The following CASD1 variants were observed in gnomAD, a reference collection of about 807,000 sequenced individuals.
CASD1 encodes the protein N-acetylneuraminate (7)9-O-acetyltransferase.
A neutral mutation model predicts 100.0 loss-of-function variants in CASD1; 41 were observed. The ratio of observed to expected loss-of-function variants is 0.41; its 90% confidence interval spans 0.32 to 0.53. The LOEUF (loss-of-function observed/expected upper bound fraction) is 0.53, where lower values mean the gene tolerates loss of function less well. Ranked by LOEUF, CASD1 falls within the 20% of genes least tolerant of loss-of-function variation. CASD1 has a pLI of 0.25. For missense variants in CASD1, 774 were observed against 948.7 expected (o/e 0.82, Z 2.42); for synonymous variants, 321 against 315.6 (o/e 1.02, Z -0.18).
the CASD1 span, among the ~76,000 whole-genome samples, chr7:94,570,385 A>T: frequency 2.6e-5 from 4 of 152,320 alleles, no homozygotes; most frequent in African/African-American, 7.2e-5. Context: ...CTGCAATAGC[A>T]TACAAAATCT....
chr7:94,510,873 T>G (rs1481000697), intron 1 of CASD1, among the ~76,000 whole-genome samples: 2 of 152,194 alleles, frequency 1.3e-5, no homozygotes, highest in Admixed American at 6.5e-5. Flanking sequence ...AGTGCACACT[T>G]TTTACAAAGT....
intron 12 of CASD1, among the ~76,000 whole-genome samples, chr7:94,546,732 A>G (rs531327046): frequency 6.6e-6 from 1 of 152,082 alleles, no homozygotes; most frequent in South Asian, 2.1e-4. Context: ...CACCAAAGTC[A>G]TATTCAACAG....
chr7:94,540,116 C>T (rs938828256), intron 10 of CASD1, among the ~76,000 whole-genome samples: 5 of 152,202 alleles, frequency 3.3e-5, no homozygotes, highest in Non-Finnish European at 7.3e-5. Context: ...TGAGTTGTAA[C>T]AACCCAGCTA....
At chr7:94,520,753 G>A (rs546704559) in intron 3 of CASD1, among the ~76,000 whole-genome samples, 5 of 152,144 alleles carry the variant, frequency 3.3e-5, no homozygotes, top group Admixed American at 6.5e-5. Context: ...GTCAAGAGAC[G>A]GAGACCATCC....
At chr7:94,554,254 T>C in intron 16 of CASD1, 1 of 353,962 alleles carries the variant, frequency 2.8e-6, no homozygotes, top group Non-Finnish European at 5.1e-6. Context: ...CATGTACTAC[T>C]TAAAATGTTC....
At chr7:94,618,673 G>T in the CASD1 span, 1 of 1,111,184 alleles carries the variant, frequency 9.0e-7, no homozygotes, top group Non-Finnish European at 1.3e-6. Context: ...AAATGCAATA[G>T]GCCATCTTCC....
the CASD1 span, chr7:94,618,630 A>G: frequency 4.0e-6 from 3 of 748,754 alleles, no homozygotes; most frequent in East Asian, 8.0e-5. Context: ...GTATGTTCAT[A>G]TCTTTACAAT....
intron 1 of CASD1, among the ~76,000 whole-genome samples, chr7:94,513,582 C>T (rs1793828202): frequency 6.6e-6 from 1 of 152,296 alleles, no homozygotes; most frequent in African/African-American, 2.4e-5. Context: ...TCAAATGTCA[C>T]ACCCACAGCA....
At chr7:94,600,551 T>C in the CASD1 span, 1 of 874,056 alleles carries the variant, frequency 1.1e-6, no homozygotes, top group African/African-American at 1.7e-5. Flanking sequence ...TACAAAGTGT[T>C]TTATGAACCA....
the CASD1 span, chr7:94,599,002 C>T: frequency 1.4e-6 from 2 of 1,473,532 alleles, no homozygotes; most frequent in Non-Finnish European, 9.4e-7. Flanking sequence ...TATTTAAAAT[C>T]ATATATTAGC....
chr7:94,559,643 A>C (rs567246540), downstream of CASD1, among the ~76,000 whole-genome samples: 289 of 152,238 alleles, frequency 1.9e-3, 2 homozygotes, highest in South Asian at 0.017. Flanking sequence ...CTCCTGCCTC[A>C]GCTTCCCAGG....
At chr7:94,601,805 C>T in the CASD1 span, among the ~76,000 whole-genome samples, 6 of 152,006 alleles carry the variant, frequency 3.9e-5, no homozygotes, top group African/African-American at 1.2e-4. Flanking sequence ...TGCACATTGG[C>T]GGCTTGTTGT....
At chr7:94,617,469 A>T in the CASD1 span, 1 of 152,344 alleles carries the variant, frequency 6.6e-6, no homozygotes, top group Admixed American at 6.5e-5. Flanking sequence ...AAACTGTTTT[A>T]AAAACCCCAT....
chr7:94,585,387 C>T, the CASD1 span: 5 of 917,658 alleles, frequency 5.4e-6, no homozygotes, highest in East Asian at 9.6e-5. Flanking sequence ...ATACTGCCAA[C>T]ATGCATAACA....
chr7:94,549,431 CTT>C lies in CASD1; in HGVS notation c.1714-101_1714-100del, dbSNP rs572714117. 210 of 688,962 alleles carry C rather than the reference CTT, an allele frequency of 3.0e-4. No individual in the cohort carries two copies. In the African/African-American group the frequency reaches 3.4e-3, roughly 11 times the overall value. The allele number at this position is 688,962 out of a possible 1,614,324, so 42.7% of individuals were successfully genotyped here. ...CAGAATTTTAACATTGTGAATGACT[CTT>C]ATATAATCCAAACTTCAGAAAACTA... On this transcript the variant is annotated intron_variant, in intron 13 of 17. Transcript: ENST00000297273.
chr7:94,608,995 C>A, the CASD1 span, among the ~76,000 whole-genome samples: 16 of 152,204 alleles, frequency 1.1e-4, no homozygotes, highest in South Asian at 1.0e-3. Flanking sequence ...ATCGAGATGA[C>A]CTTGGATTTG....
At chr7:94,510,268 G>T (rs2301645) in intron 1 of CASD1, 51 bp downstream of exon 1, 132,974 of 1,320,660 alleles carry the variant, frequency 0.1, 8,096 homozygotes, top group East Asian at 0.25. Context: ...AGGCGGCGAC[G>T]CGGCGGCTGG....
At chr7:94,612,830 C>T in the CASD1 span, among the ~76,000 whole-genome samples, 2 of 152,194 alleles carry the variant, frequency 1.3e-5, no homozygotes, top group Admixed American at 1.3e-4. Flanking sequence ...ATTGACATCC[C>T]CAAATGCTCA....
the CASD1 span, among the ~76,000 whole-genome samples, chr7:94,606,030 T>C: frequency 6.6e-6 from 1 of 152,044 alleles, no homozygotes; most frequent in Admixed American, 6.6e-5. Flanking sequence ...GTTTTCACCA[T>C]GTTGGCTAGG....
Sources: allele counts gnomAD v4.1 joint callset (sites outside exome capture counted in the v4.1 genomes callset), GRCh38; gene constraint gnomAD v4.1.1; transcripts MANE v1.5; gene names NCBI Gene and HGNC (gene_info 2026-07-23, HGNC 2026-07-21).